The following AXDND1 variants were observed in gnomAD, a reference collection of about 807,000 sequenced individuals.
The protein encoded by AXDND1 is axonemal dynein light chain domain-containing protein 1.
AXDND1 carries 110 observed loss-of-function variants against 137.5 expected under a neutral mutation model. The observed-to-expected ratio is 0.80, with a 90% CI of 0.69 to 0.94. AXDND1 has a LOEUF of 0.94. Among genes scored for constraint, AXDND1 ranks in the 40% least tolerant of loss-of-function variants. The pLI is 0.00. For missense variants in AXDND1, 1,191 were observed against 1,169.8 expected, an observed-to-expected ratio of 1.02 and a Z score of -0.26; for synonymous variants, 414 against 399.7, an observed-to-expected ratio of 1.04 and a Z score of -0.43.
In AXDND1 at chr1:179,486,136, A is replaced by AAC. The variant is rs1553291055; in HGVS notation, c.2091+2916_2091+2917insCA. ...CTCTGTCTCAAAAAAAAAAAAAAAA[A>AAC]AAAAACCTGATAGAAATGAAAAACA... On this transcript the variant is annotated intron_variant, in intron 18 of 25. Transcript: ENST00000367618. Among the ~76,000 whole-genome samples the AAC allele has an allele frequency of 5.1e-4, 62 of 121,376 alleles. 1 individual carries two copies. Among genetic ancestry groups the AAC allele is most frequent in the African/African-American group, 1.8e-3 (61 of 34,000 alleles). 79.6% of individuals were successfully genotyped at this position (121,376 alleles called of 152,430 possible).
chr1:179,526,259 GTAATAA>G (rs141678377), intron 22 of AXDND1, among the ~76,000 whole-genome samples: 3,687 of 151,778 alleles, frequency 0.024, 161 homozygotes, highest in African/African-American at 0.084. Flanking sequence ...TGGGACATTT[GTAATAA>G]TAATAATAAT....
chr1:179,459,641 C>T (rs1395910004), intron 16 of AXDND1, among the ~76,000 whole-genome samples: 1 of 151,814 alleles, frequency 6.6e-6, no homozygotes, highest in Admixed American at 6.6e-5. Flanking sequence ...GGTGGGTCTG[C>T]TGATTACTTT....
chr1:179,468,703 C>T, intron 17 of AXDND1, 62 bp downstream of exon 17: 1 of 1,283,938 alleles, frequency 7.8e-7, no homozygotes, highest in South Asian at 1.5e-5. Context: ...TTGCAATACA[C>T]TTCATATATA....
chr1:179,453,274 T>C (rs1660810794), intron 16 of AXDND1: 1 of 152,248 alleles, frequency 6.6e-6, no homozygotes, highest in Non-Finnish European at 1.5e-5. Flanking sequence ...AGTGGAGTTA[T>C]GAGAAGAGGG....
intron 12 of AXDND1, among the ~76,000 whole-genome samples, chr1:179,425,791 C>A (rs6692749): frequency 0.87 from 131,034 of 150,040 alleles, 57,329 homozygotes; most frequent in Admixed American, 0.9. Flanking sequence ...CCCTGTCTCA[C>A]ATATGTGTGT....
At chr1:179,486,976 C>G (rs746768561) in intron 18 of AXDND1, among the ~76,000 whole-genome samples, 1 of 148,600 alleles carries the variant, frequency 6.7e-6, no homozygotes, top group East Asian at 1.9e-4. Context: ...CAATACTAAC[C>G]TTGAACATAA....
chr1:179,369,885 T>C, intron 3 of AXDND1, 90 bp from the exon 4 acceptor site: 1 of 952,692 alleles, frequency 1.0e-6, no homozygotes. Flanking sequence ...GCCCTTAATG[T>C]AAATACAGTA....
intron 15 of AXDND1, among the ~76,000 whole-genome samples, chr1:179,433,431 C>T (rs1227138978): frequency 2.0e-5 from 3 of 152,074 alleles, no homozygotes; most frequent in Non-Finnish European, 2.9e-5. Flanking sequence ...GCTTTTGCTT[C>T]TCCAGTTATT....
intron 12 of AXDND1, among the ~76,000 whole-genome samples, chr1:179,426,932 C>T (rs6425544): frequency 0.35 from 52,942 of 151,896 alleles, 9,392 homozygotes; most frequent in Middle Eastern, 0.44. Flanking sequence ...GAGGCTGAGG[C>T]TGGTGGATGG....
chr1:179,537,482 T>C (rs1450615740), intron 25 of AXDND1, among the ~76,000 whole-genome samples: 1 of 152,234 alleles, frequency 6.6e-6, no homozygotes, highest in African/African-American at 2.4e-5. Context: ...TCTGTTTATT[T>C]GATGGATTAC....
chr1:179,522,178 C>G (rs1223455481), intron 21 of AXDND1, among the ~76,000 whole-genome samples: 1 of 152,104 alleles, frequency 6.6e-6, no homozygotes. Context: ...TTCATATTCT[C>G]TCTCTATTTC....
At chr1:179,397,302 A>G (rs1651212060) in intron 11 of AXDND1, among the ~76,000 whole-genome samples, 1 of 152,138 alleles carries the variant, frequency 6.6e-6, no homozygotes, top group Non-Finnish European at 1.5e-5. Context: ...AAGAATGTTG[A>G]ATATTGGCTT....
At chr1:179,456,806 C>T (rs1661472320) in intron 16 of AXDND1, 1 of 789,606 alleles carries the variant, frequency 1.3e-6, no homozygotes, top group Non-Finnish European at 2.3e-6. Context: ...ACAGGGCTTT[C>T]CTAACTTCAC....
chr1:179,435,319 C>T (rs574081494), intron 15 of AXDND1, among the ~76,000 whole-genome samples: 40 of 152,288 alleles, frequency 2.6e-4, no homozygotes, highest in Non-Finnish European at 4.3e-4. Flanking sequence ...CATTGACATT[C>T]TTCACAGAAT....
chr1:179,424,382 A>G (rs1656245441), intron 12 of AXDND1, among the ~76,000 whole-genome samples: 1 of 148,986 alleles, frequency 6.7e-6, no homozygotes, highest in South Asian at 2.1e-4. Context: ...AGACCTTCCT[A>G]TAACTGGACA....
At chr1:179,369,015 T>G (rs1667756625) in intron 3 of AXDND1, 43 bp downstream of exon 3, 2 of 1,510,546 alleles carry the variant, frequency 1.3e-6, no homozygotes, top group Non-Finnish European at 1.8e-6. Context: ...CATTATTTTT[T>G]GGGCATCTGA....
rs183671242 is a variant in AXDND1 at position 179,514,836 on chromosome 1, A to G, written c.2496+5433A>G. On this transcript the variant is annotated intron_variant, in intron 21 of 25. Transcript: ENST00000367618. ...TATAATGTCCCTCTTTGTCTCTTCA[A>G]CTGCTGTTGCTTTAAAGTTTGTTTT... Among the ~76,000 whole-genome samples the G allele has an allele frequency of 3.6e-3, 548 of 152,238 alleles. 5 individuals are homozygous for G. Among genetic ancestry groups the G allele is most frequent in the African/African-American group, 0.012 (513 of 41,556 alleles).
chr1:179,538,166 G>A (rs1301514587), intron 25 of AXDND1, among the ~76,000 whole-genome samples: 1 of 151,876 alleles, frequency 6.6e-6, no homozygotes, highest in African/African-American at 2.4e-5. Flanking sequence ...TTGATTTTTT[G>A]AAGGGTTTTT....
chr1:179,420,420 C>G (rs1438661609), intron 12 of AXDND1, among the ~76,000 whole-genome samples: 2 of 151,758 alleles, frequency 1.3e-5, no homozygotes, highest in African/African-American at 2.4e-5. Context: ...TTGTTGTGTT[C>G]TTGTCTGGTT....
Sources: allele counts gnomAD v4.1 joint callset (sites outside exome capture counted in the v4.1 genomes callset), GRCh38; gene constraint gnomAD v4.1.1; transcripts MANE v1.5; gene names NCBI Gene and HGNC (gene_info 2026-07-23, HGNC 2026-07-21).